The following TUT4 variants were observed in gnomAD, a reference collection of about 807,000 sequenced individuals.
TUT4 encodes the protein terminal uridylyl transferase 4, also known as terminal uridylyltransferase 4.
A neutral mutation model predicts 192.2 loss-of-function variants in TUT4; 36 were observed. That is an observed-to-expected ratio of 0.19 (90% CI 0.14 to 0.25). The LOEUF (loss-of-function observed/expected upper bound fraction) is 0.25, where lower values mean the gene tolerates loss of function less well. Among genes scored for constraint, TUT4 ranks in the 10% least tolerant of loss-of-function variants. The pLI, the probability that TUT4 is intolerant of heterozygous loss-of-function variation, is 1.00. For synonymous variants in TUT4, 618 were observed against 666.0 expected (o/e 0.93, Z 1.11); for missense variants, 1,493 against 1,957.2 (o/e 0.76, Z 4.47).
intron 4 of TUT4, among the ~76,000 whole-genome samples, chr1:52,499,819 C>T (rs7355078): frequency 0.17 from 25,621 of 151,830 alleles, 4,578 homozygotes; most frequent in African/African-American, 0.46. Context: ...CTCATGCCTA[C>T]AAGCACTTTG....
chr1:52,475,587 T>G (rs745375022), intron 12 of TUT4, 52 bp from the exon 13 acceptor site: 7 of 1,464,644 alleles, frequency 4.8e-6, no homozygotes, highest in Non-Finnish European at 6.4e-6. Flanking sequence ...CAAACTACAT[T>G]TCCAAGCTCA....
intron 24 of TUT4, among the ~76,000 whole-genome samples, chr1:52,442,352 T>C (rs1655908751): frequency 6.6e-6 from 1 of 152,116 alleles, no homozygotes; most frequent in Admixed American, 6.5e-5. Context: ...AATATACTTA[T>C]CTTTATCTTT....
At chr1:52,496,202 A>G (rs78643363) in intron 5 of TUT4, among the ~76,000 whole-genome samples, 2,039 of 152,220 alleles carry the variant, frequency 0.013, 46 homozygotes, top group African/African-American at 0.047. Flanking sequence ...AGTTGTATAT[A>G]TAAAAGTCTA....
At chr1:52,503,867 C>T (rs1674808434) in intron 4 of TUT4, among the ~76,000 whole-genome samples, 1 of 152,064 alleles carries the variant, frequency 6.6e-6, no homozygotes, top group African/African-American at 2.4e-5. Context: ...TCTACTAGTC[C>T]CTTAAATGTT....
chr1:52,489,725 T>C (rs1008830117), intron 8 of TUT4, among the ~76,000 whole-genome samples: 2 of 152,174 alleles, frequency 1.3e-5, no homozygotes, highest in African/African-American at 4.8e-5. Context: ...AAGGTCACTT[T>C]GCCTCCATTT....
intron 28 of TUT4, among the ~76,000 whole-genome samples, chr1:52,429,229 G>A (rs963693166): frequency 1.6e-4 from 24 of 151,088 alleles, no homozygotes; most frequent in Middle Eastern, 3.4e-3. Flanking sequence ...GACTACAGGC[G>A]CCCACCACCA....
chr1:52,471,514 A>G (rs1356637186), intron 14 of TUT4, among the ~76,000 whole-genome samples: 1 of 152,168 alleles, frequency 6.6e-6, no homozygotes, highest in Admixed American at 6.5e-5. Flanking sequence ...ATATTAACTC[A>G]TCTATAGTGT....
chr1:52,431,954 C>T (rs536862534), intron 27 of TUT4: 3 of 152,826 alleles, frequency 2.0e-5, no homozygotes, highest in East Asian at 3.9e-4. Context: ...TACAGCTGTC[C>T]CTCAGGATAT....
intron 28 of TUT4, among the ~76,000 whole-genome samples, chr1:52,428,363 A>G (rs1650709157): frequency 1.3e-5 from 2 of 151,988 alleles, no homozygotes; most frequent in South Asian, 4.1e-4. Flanking sequence ...GCGGTGGCTC[A>G]CACCTGTAAT....
intron 9 of TUT4, among the ~76,000 whole-genome samples, chr1:52,484,905 G>A (rs1048750917): frequency 7.9e-5 from 12 of 152,190 alleles, no homozygotes; most frequent in Non-Finnish European, 2.9e-5. Context: ...CATCTCTTCA[G>A]AGTCTTTTCC....
At chr1:52,445,171 A>AG (rs1469244256) in intron 24 of TUT4, among the ~76,000 whole-genome samples, 1 of 151,574 alleles carries the variant, frequency 6.6e-6, no homozygotes, top group East Asian at 1.9e-4. Context: ...TGAAGCTAAA[A>AG]CCTCCTGCAG....
Position 52,525,843 on chromosome 1 carries a change from A to G in TUT4, c.438T>C (p.Tyr146=), listed in dbSNP as rs769601379. The G allele has an allele frequency of 6.2e-7, 1 of 1,614,084 alleles. No individual in the cohort carries two copies. Among genetic ancestry groups the G allele is most frequent in the East Asian group, 2.2e-5 (1 of 44,874 alleles). The change falls in exon 2 of 30, where the codon TAT becomes TAC. Residue 146 remains tyrosine (Y), a synonymous_variant. Transcript: ENST00000257177. ...TTGGTACTTTTTCTGACTTCATCTG[A>G]TAACTGGATGCTTTTTCTGCTTTCA... ...NSVKAEKASS[Y]QMKSEKVPSS... is the part of the protein sequence containing the mutation.
intron 4 of TUT4, among the ~76,000 whole-genome samples, chr1:52,504,965 T>A (rs1675135701): frequency 6.6e-6 from 1 of 152,240 alleles, no homozygotes; most frequent in Non-Finnish European, 1.5e-5. Flanking sequence ...ACATTTTGCT[T>A]ATCTATTCAT....
intron 11 of TUT4, among the ~76,000 whole-genome samples, chr1:52,480,421 T>A (rs72666826): frequency 6.6e-6 from 1 of 152,216 alleles, no homozygotes; most frequent in African/African-American, 2.4e-5. Flanking sequence ...GTTACTGACA[T>A]TGATGATACA....
In TUT4 at chr1:52,528,383, T is replaced by C. The variant is rs1682408644; in HGVS notation, c.-93-2010A>G. Among the ~76,000 whole-genome samples, 10 of 151,364 alleles carry C rather than the reference T, an allele frequency of 6.6e-5. No individual in the cohort carries two copies. The South Asian group carries it at 1.7e-3, about 25-fold the overall frequency. On this transcript the variant is annotated intron_variant, in intron 1 of 29. Coordinates refer to ENST00000257177, the MANE Select transcript of TUT4 (RefSeq NM_001009881.3). ...GCATGCGCCTGTAGTCCCAGCTACT[T>C]AGGAGGCTGAGGTGGGAGGATCGCT...
At chr1:52,453,168 T>C (rs2148570510) in intron 20 of TUT4, among the ~76,000 whole-genome samples, 1 of 152,180 alleles carries the variant, frequency 6.6e-6, no homozygotes, top group Non-Finnish European at 1.5e-5. Flanking sequence ...GTGGATCACC[T>C]GACATAAGGA....
intron 1 of TUT4, among the ~76,000 whole-genome samples, chr1:52,543,732 C>T (rs1378102403): frequency 6.6e-6 from 1 of 151,892 alleles, no homozygotes; most frequent in Admixed American, 6.6e-5. Flanking sequence ...AATCCACCAG[C>T]CTCGGCCTCC....
chr1:52,460,090 T>C (rs1223603292), intron 19 of TUT4, among the ~76,000 whole-genome samples: 3 of 152,190 alleles, frequency 2.0e-5, no homozygotes, highest in Non-Finnish European at 2.9e-5. Context: ...AGTTACCTTG[T>C]TAGGTGAATC....
chr1:52,525,480 T>C, intron 2 of TUT4, 83 bp downstream of exon 2: 1 of 1,491,530 alleles, frequency 6.7e-7, no homozygotes, highest in South Asian at 1.4e-5. Context: ...TGTATAAACA[T>C]GACTTTTTGT....
Sources: gnomAD v4.1 joint callset for allele counts (sites outside exome capture counted in the v4.1 genomes callset) on GRCh38, gnomAD v4.1.1 for gene constraint, MANE v1.5 for transcripts, NCBI Gene and HGNC (gene_info 2026-07-23, HGNC 2026-07-21) for gene names.